MYOM1: variants seen among roughly 807,000 people sequenced by gnomAD.
MYOM1 encodes myomesin-1.
MYOM1 carries 164 observed loss-of-function variants against 205.3 expected under a neutral mutation model. That is an observed-to-expected ratio of 0.80 (90% CI 0.70 to 0.91). MYOM1 has a LOEUF of 0.91. Ranked by LOEUF, MYOM1 falls within the 40% of genes least tolerant of loss-of-function variation. MYOM1 has a pLI of 0.00. For synonymous variants in MYOM1, 772 were observed against 789.4 expected (o/e 0.98, Z 0.37); for missense variants, 2,011 against 2,127.3 (o/e 0.95, Z 1.08).
Position 3,090,551 on chromosome 18 carries a change from T to G in MYOM1, c.4009+107A>C, listed in dbSNP as rs2079211643. On this transcript the variant is annotated intron_variant, in intron 27 of 37. Coordinates refer to ENST00000356443, the MANE Select transcript of MYOM1 (RefSeq NM_003803.4). ...TGTATTTTGAACATTAGAAGTCAAT[T>G]AAGAAAAAATTCCTACTACCTTTCA... 13 of 1,425,932 alleles carry G rather than the reference T, an allele frequency of 9.1e-6. 1 individual carries two copies. The highest frequency in any genetic ancestry group is 1.2e-5 in the Non-Finnish European group (13 of 1,040,480). The allele number at this position is 1,425,932 out of a possible 1,614,324, so 88.3% of individuals were successfully genotyped here.
chr18:3,188,208 AT>A (rs2080849117), intron 4 of MYOM1, among the ~76,000 whole-genome samples: 2 of 152,104 alleles, frequency 1.3e-5, no homozygotes, highest in African/African-American at 4.8e-5. Flanking sequence ...AAAACCTAAA[AT>A]TCCATGGAGT....
chr18:3,139,268 C>T (rs1421221329), intron 14 of MYOM1, among the ~76,000 whole-genome samples: 2 of 152,152 alleles, frequency 1.3e-5, no homozygotes, highest in African/African-American at 2.4e-5. Context: ...TGATACAGTC[C>T]TTGTCTCTGA....
chr18:3,205,720 C>G (rs535466949), intron 2 of MYOM1, among the ~76,000 whole-genome samples: 1 of 152,050 alleles, frequency 6.6e-6, no homozygotes, highest in Non-Finnish European at 1.5e-5. Flanking sequence ...AGAAAGTGCA[C>G]GAGAAAGTTT....
chr18:3,119,833 C>T (rs201999082), intron 20 of MYOM1, 36 bp downstream of exon 20: 31 of 1,565,442 alleles, frequency 2.0e-5, no homozygotes, highest in Middle Eastern at 2.3e-4. Context: ...GAGGAAATTC[C>T]GAGGTGCGGT....
Position 3,075,450 on chromosome 18 carries a change from T to C in MYOM1, c.4708+4A>G. On this transcript the variant is annotated splice_donor_region_variant and intron_variant, in intron 36 of 37. Coordinates refer to ENST00000356443, the MANE Select transcript of MYOM1 (RefSeq NM_003803.4). ...TGTGAAAAGTAAAAAAAAAGTTTAC[T>C]TACTTTTCTCGGCAATGGCAGCTTG... The C allele has an allele frequency of 6.2e-7, 1 of 1,611,706 alleles. No individual in the cohort carries two copies. Among genetic ancestry groups the C allele is most frequent in the Non-Finnish European group, 8.5e-7 (1 of 1,178,136 alleles).
At chr18:3,204,929 T>C (rs142395369) in intron 2 of MYOM1, among the ~76,000 whole-genome samples, 1 of 152,204 alleles carries the variant, frequency 6.6e-6, no homozygotes, top group African/African-American at 2.4e-5. Context: ...GTCAAGTGAT[T>C]TTTGATAAAG....
At position 3,219,217 on chromosome 18, in the gene MYOM1, G is replaced by A. The variant is rs1791068; in HGVS notation, c.-29+586C>T. Among the ~76,000 whole-genome samples the A allele has an allele frequency of 0.09, 13,719 of 152,184 alleles. 705 individuals carry two copies. Among genetic ancestry groups the A allele is most frequent in the African/African-American group, 0.14 (5,828 of 41,512 alleles). On this transcript the variant is annotated intron_variant, in intron 1 of 37. Transcript: ENST00000356443. The surrounding 1 kb of genome is among the most constrained non-coding windows in gnomAD (Gnocchi z 4.4). ...ACTTTTGTGCAGGCATTAGAGGGCA[G>A]AAGCTGATGAAAACGATTCCCAGAA...
At chr18:3,220,955 G>C (rs1598784226), upstream of MYOM1, among the ~76,000 whole-genome samples, 1 of 152,276 alleles carries the variant, frequency 6.6e-6, no homozygotes, top group East Asian at 1.9e-4. Context: ...TTGGTATTTT[G>C]ATCTACTGGC....
At chr18:3,203,479 T>C (rs1598768438) in intron 2 of MYOM1, among the ~76,000 whole-genome samples, 2 of 151,726 alleles carry the variant, frequency 1.3e-5, no homozygotes, top group East Asian at 3.9e-4. Context: ...ATTAAGAGGC[T>C]CACAAAGAAA....
At chr18:3,167,386 T>C (rs1384766169) in intron 9 of MYOM1, among the ~76,000 whole-genome samples, 1 of 152,202 alleles carries the variant, frequency 6.6e-6, no homozygotes, top group Admixed American at 6.5e-5. Context: ...TTATGTTTTT[T>C]GTTTTGTTTT....
At chr18:3,221,946 A>G (rs2081334050), upstream of MYOM1, among the ~76,000 whole-genome samples, 1 of 152,248 alleles carries the variant, frequency 6.6e-6, no homozygotes, top group South Asian at 2.1e-4. Context: ...CTTATCCACC[A>G]GCCATTAGGA....
In MYOM1 at chr18:3,067,276, T is replaced by C; in HGVS notation, c.5044A>G (p.Lys1682Glu). 6.2e-7 allele frequency: 1 copy of C among 1,602,810 alleles called. No homozygotes were observed. The highest frequency in any genetic ancestry group is 8.5e-7 in the Non-Finnish European group (1 of 1,175,338). The change falls in exon 38 of 38, where the codon AAG becomes GAG. Residue 1682 changes from lysine (K) to glutamate (E), a missense_variant. By Grantham distance (56) the Lys-to-Glu change is moderately conservative (BLOSUM62 1). Transcript: ENST00000356443. ...MAALESLKGG[K>E]KAK Reference sequence around the variant, plus strand: ...CGCACCTCCGGTCACTTGGCCTTCTTGCCACCTTTCAGGGACTCCAAGGCG... The same window carrying C: ...CGCACCTCCGGTCACTTGGCCTTCTCGCCACCTTTCAGGGACTCCAAGGCG...
chr18:3,092,519 G>C (rs768829011), intron 26 of MYOM1, among the ~76,000 whole-genome samples: 24 of 152,024 alleles, frequency 1.6e-4, no homozygotes, highest in Admixed American at 3.9e-4. Context: ...AATGGAAATA[G>C]CCCTATTAGA....
chr18:3,151,918 A>G (rs747834879), intron 11 of MYOM1, 25 bp from the exon 12 acceptor site: 2 of 1,601,314 alleles, frequency 1.2e-6, no homozygotes, highest in Non-Finnish European at 1.7e-6. Flanking sequence ...GTGATTGACA[A>G]AAATATTAAA....
chr18:3,112,405 C>A lies in MYOM1; in HGVS notation c.3311G>T (p.Gly1104Val). The change falls in exon 22 of 38, where the codon GGC (glycine) becomes GTC (valine). Residue 1104 changes from glycine to valine, a missense_variant. By Grantham distance (109) the Gly-to-Val change is moderately radical. Transcript: ENST00000356443. ...AIKNVYLKVR[G>V]LKEGVSYVFR... ...CACGTAGCTGACGCCCTCCTTGAGGCCTCGAACCTGGTAGAAGCAGGTGTA... is the reference window on the plus strand; with the variant it reads ...CACGTAGCTGACGCCCTCCTTGAGGACTCGAACCTGGTAGAAGCAGGTGTA... 1 of 1,598,492 alleles carries A rather than the reference C, an allele frequency of 6.3e-7. No homozygotes were observed. Among genetic ancestry groups the A allele is most frequent in the Non-Finnish European group, 8.5e-7 (1 of 1,169,840 alleles).
intron 33 of MYOM1, among the ~76,000 whole-genome samples, chr18:3,080,158 G>A (rs879736339): frequency 2.2e-4 from 34 of 151,992 alleles, no homozygotes; most frequent in Admixed American, 1.9e-3. Context: ...ACAAAATGAC[G>A]TTAAAAAGTG....
chr18:3,080,673 CA>C (rs11361871), intron 33 of MYOM1, among the ~76,000 whole-genome samples: 21,141 of 135,332 alleles, frequency 0.16, 1,772 homozygotes, highest in African/African-American at 0.27. Flanking sequence ...GGCTCCATCT[CA>C]AAAAAAAAAA....
chr18:3,128,272 C>T (rs575715313), intron 18 of MYOM1, among the ~76,000 whole-genome samples: 63 of 152,180 alleles, frequency 4.1e-4, no homozygotes, highest in African/African-American at 1.4e-3. Context: ...TATCTCCTCT[C>T]GAGTTGAGGG....
In MYOM1 at chr18:3,188,843, C is replaced by T; in HGVS notation, c.676G>A (p.Ala226Thr). The T allele has an allele frequency of 3.1e-6, 5 of 1,613,462 alleles. No homozygotes were observed. Among genetic ancestry groups the T allele is most frequent in the Non-Finnish European group, 3.4e-6 (4 of 1,179,794 alleles). Residue 226 changes from alanine (A) to threonine (T), a missense_variant, in exon 4 of 38, where the codon GCC becomes ACC. Transcript: ENST00000356443. ...ASRQSVVSKQATSALQQEETS... is the reference protein window; with the variant it reads ...ASRQSVVSKQTTSALQQEETS... ...TCTTCCTGTTGAAGAGCGGATGTGG[C>T]CTGTTTGGAAACCACAGACTGCCTG... is the stretch of plus-strand genomic sequence containing the variant.
Sources: allele counts gnomAD v4.1 joint callset (sites outside exome capture counted in the v4.1 genomes callset), GRCh38; gene constraint gnomAD v4.1.1; non-coding constraint Gnocchi (gnomAD v3.1); transcripts MANE v1.5; gene names NCBI Gene and HGNC (gene_info 2026-07-23, HGNC 2026-07-21).